FANCC: variants seen among roughly 807,000 people sequenced by gnomAD.
The protein encoded by FANCC is Fanconi anemia group C protein.
FANCC carries 55 observed loss-of-function variants against 71.3 expected under a neutral mutation model. The ratio of observed to expected loss-of-function variants is 0.77; its 90% CI spans 0.62 to 0.97. FANCC has a LOEUF of 0.97. FANCC is among the 50% of genes least tolerant of loss of function. The pLI, the probability that FANCC is intolerant of heterozygous loss-of-function variation, is 0.00. For missense variants in FANCC, 678 were observed against 670.9 expected, an observed-to-expected ratio of 1.01 and a Z score of -0.12; for synonymous variants, 275 against 244.9, an observed-to-expected ratio of 1.12 and a Z score of -1.15.
chr9:95,216,639 C>T (rs985871459), intron 4 of FANCC, among the ~76,000 whole-genome samples: 9 of 152,150 alleles, frequency 5.9e-5, no homozygotes, highest in East Asian at 3.8e-4. Flanking sequence ...TCTTCCTCCA[C>T]GAAAAAGGAA....
chr9:95,163,875 A>G (rs13301779), intron 6 of FANCC, among the ~76,000 whole-genome samples: 1 of 151,568 alleles, frequency 6.6e-6, no homozygotes, highest in Non-Finnish European at 1.5e-5. Context: ...AAACAAACAA[A>G]CCCCAAAAAA....
intron 7 of FANCC, among the ~76,000 whole-genome samples, chr9:95,138,466 T>C (rs1326858492): frequency 1.3e-5 from 2 of 152,070 alleles, no homozygotes; most frequent in Non-Finnish European, 2.9e-5. Context: ...GTGGAGAGGG[T>C]GCTCGTAGCT....
At chr9:95,312,449 A>C (rs918974363) in intron 1 of FANCC, among the ~76,000 whole-genome samples, 2 of 152,168 alleles carry the variant, frequency 1.3e-5, no homozygotes, top group Non-Finnish European at 2.9e-5. Flanking sequence ...AAGCAGCCTC[A>C]ACCTCCTGGG....
At chr9:95,194,928 G>A (rs1407251336) in intron 4 of FANCC, among the ~76,000 whole-genome samples, 1 of 151,998 alleles carries the variant, frequency 6.6e-6, no homozygotes, top group Non-Finnish European at 1.5e-5. Context: ...GGCCAGGCTT[G>A]GTGGCTCACG....
chr9:95,255,628 G>C (rs1588367277), intron 1 of FANCC, among the ~76,000 whole-genome samples: 1 of 152,100 alleles, frequency 6.6e-6, no homozygotes, highest in African/African-American at 2.4e-5. Flanking sequence ...CCAAAAACCA[G>C]AATGCCTCTT....
chr9:95,104,570 C>G (rs577570538), intron 14 of FANCC, among the ~76,000 whole-genome samples: 59 of 152,328 alleles, frequency 3.9e-4, no homozygotes, highest in African/African-American at 1.3e-3. Flanking sequence ...CCAGCAATGT[C>G]TCTGGGCCCA....
Position 95,111,593 on chromosome 9 carries a change from A to G in FANCC, c.1199T>C (p.Phe400Ser). ...TGCCACCATCTCAGCCCATCCTCCG[A>G]AGTGAATGAACAGGAACCAGCTCTC... ...PFESWFLFIH[F>S]GGWAEMVAEQ... Residue 400 changes from phenylalanine (F) to serine (S), a missense_variant, in exon 13 of 15, where the codon TTC becomes TCC. Phe to Ser is a radical substitution (Grantham distance 155). Transcript: ENST00000289081. The G allele has an allele frequency of 6.2e-7, 1 of 1,614,134 alleles. No individual in the cohort carries two copies. Among genetic ancestry groups the G allele is most frequent in the Non-Finnish European group, 8.5e-7 (1 of 1,180,020 alleles).
At position 95,244,627 on chromosome 9, in the gene FANCC, C is replaced by T. The variant is rs188964673; in HGVS notation, c.250+2805G>A. Among the ~76,000 whole-genome samples, 362 of 125,288 alleles carry T rather than the reference C, an allele frequency of 2.9e-3. 3 individuals carry two copies. The highest frequency in any genetic ancestry group is 0.011 in the African/African-American group (346 of 32,600). The allele number at this position is 125,288 out of a possible 152,430, so 82.2% of individuals were successfully genotyped here. ...CTGGGAGGCAAAGGTTGCAGTGAGC[C>T]GAGATCACGCCACTGCACTCCAGCC... On this transcript the variant is annotated intron_variant, in intron 3 of 14. Coordinates refer to ENST00000289081, the MANE Select transcript of FANCC (RefSeq NM_000136.3).
At chr9:95,175,695 C>T (rs1162833111) in intron 4 of FANCC, among the ~76,000 whole-genome samples, 1 of 152,240 alleles carries the variant, frequency 6.6e-6, no homozygotes, top group African/African-American at 2.4e-5. Context: ...CTGGACTCCA[C>T]TGAACTTGCG....
At chr9:95,134,073 G>A (rs757859334) in intron 8 of FANCC, among the ~76,000 whole-genome samples, 11 of 152,150 alleles carry the variant, frequency 7.2e-5, no homozygotes, top group Non-Finnish European at 1.6e-4. Context: ...CAAGTCAGGT[G>A]GGATCCGTGT....
At chr9:95,217,595 C>T (rs1033247960) in intron 4 of FANCC, among the ~76,000 whole-genome samples, 2 of 151,970 alleles carry the variant, frequency 1.3e-5, no homozygotes, top group Non-Finnish European at 2.9e-5. Flanking sequence ...CACAATGTAT[C>T]AAAATTCAGT....
At chr9:95,183,821 G>A (rs563333423) in intron 4 of FANCC, among the ~76,000 whole-genome samples, 1 of 152,262 alleles carries the variant, frequency 6.6e-6, no homozygotes, top group African/African-American at 2.4e-5. Context: ...TTCAACCTCA[G>A]CTGTATTTAA....
At chr9:95,258,537 T>C (rs1220328910) in intron 1 of FANCC, among the ~76,000 whole-genome samples, 1 of 152,156 alleles carries the variant, frequency 6.6e-6, no homozygotes, top group Non-Finnish European at 1.5e-5. Flanking sequence ...ATGGAACGTA[T>C]CTCAAAATAA....
intron 1 of FANCC, among the ~76,000 whole-genome samples, chr9:95,308,975 T>C (rs998781450): frequency 6.6e-6 from 1 of 152,134 alleles, no homozygotes; most frequent in Non-Finnish European, 1.5e-5. Flanking sequence ...ACTACTGCAC[T>C]CCAGCCTGGG....
intron 1 of FANCC, among the ~76,000 whole-genome samples, chr9:95,314,466 A>G (rs935069054): frequency 1.3e-5 from 2 of 152,084 alleles, no homozygotes; most frequent in Admixed American, 1.3e-4. Flanking sequence ...AGCCTGACCA[A>G]TATGGTGAAA....
chr9:95,154,350 C>G (rs1424321603), intron 6 of FANCC, among the ~76,000 whole-genome samples: 1 of 149,492 alleles, frequency 6.7e-6, no homozygotes, highest in Non-Finnish European at 1.5e-5. Flanking sequence ...TAAATAAGCA[C>G]AAACACTTTG....
At chr9:95,111,873 A>T (rs767392883) in intron 12 of FANCC, among the ~76,000 whole-genome samples, 1 of 152,188 alleles carries the variant, frequency 6.6e-6, no homozygotes, top group Non-Finnish European at 1.5e-5. Context: ...GCCTTTGGAC[A>T]TCGGAGTCTT....
intron 4 of FANCC, among the ~76,000 whole-genome samples, chr9:95,237,133 C>T (rs1455631108): frequency 6.6e-6 from 1 of 152,148 alleles, no homozygotes; most frequent in Non-Finnish European, 1.5e-5. Context: ...TGTTCCTAGA[C>T]ATCTTTTTAT....
intron 1 of FANCC, among the ~76,000 whole-genome samples, chr9:95,305,561 T>G (rs1835028603): frequency 6.6e-6 from 1 of 152,236 alleles, no homozygotes; most frequent in Non-Finnish European, 1.5e-5. Flanking sequence ...AGCAACTATT[T>G]TTAGCATCCT....
Sources: gnomAD v4.1 joint callset for allele counts (sites outside exome capture counted in the v4.1 genomes callset) on GRCh38, gnomAD v4.1.1 for gene constraint, MANE v1.5 for transcripts, NCBI Gene and HGNC (gene_info 2026-07-23, HGNC 2026-07-21) for gene names.